The following HERC1 variants were observed in gnomAD, a reference collection of about 807,000 sequenced individuals.
HERC1 encodes HECT and RLD domain containing E3 ubiquitin protein ligase family member 1.
Under a neutral mutation model 554.3 loss-of-function variants are expected in HERC1, and 160 were observed. The ratio of observed to expected loss-of-function variants is 0.29; its 90% CI spans 0.25 to 0.33. HERC1 has a LOEUF of 0.33. Among genes scored for constraint, HERC1 ranks in the 10% least tolerant of loss-of-function variants. The pLI, the probability that HERC1 is intolerant of heterozygous loss-of-function variation, is 1.00. For missense variants in HERC1, 4,919 were observed against 5,918.5 expected (o/e 0.83, Z 5.54); for synonymous variants, 2,175 against 2,131.7 (o/e 1.02, Z -0.56).
At position 63,632,822 on chromosome 15, in the gene HERC1, A is replaced by C. The variant is rs1389109708; in HGVS notation, c.12694-11T>G. 1 of 1,523,010 alleles carries C rather than the reference A, an allele frequency of 6.6e-7. No homozygotes were observed. Among genetic ancestry groups the C allele is most frequent in the African/African-American group, 1.4e-5 (1 of 72,824 alleles). The allele number at this position is 1,523,010 out of a possible 1,614,324, so 94.3% of individuals were successfully genotyped here. On this transcript the variant is annotated splice_polypyrimidine_tract_variant and intron_variant, in intron 67 of 77. Coordinates refer to ENST00000443617, the MANE Select transcript of HERC1 (RefSeq NM_003922.4). ...AAGGACGTCAATTTTCTACAAAATA[A>C]AAGTGTAAGGCACACAACTTTAAGA...
rs2071478170 is a variant in HERC1 at position 63,681,504 on chromosome 15, T to C, written c.6226-728A>G. Among the ~76,000 whole-genome samples, 4 of 152,198 alleles carry C rather than the reference T, an allele frequency of 2.6e-5. 1 individual carries two copies. The South Asian group carries it at 8.3e-4, about 32-fold the overall frequency. ...CAGCCACTACACCTAGTGTGACTATTACTATTTTCAAAAAGGCATGCTTGC... is the reference window on the plus strand; with the variant it reads ...CAGCCACTACACCTAGTGTGACTATCACTATTTTCAAAAAGGCATGCTTGC... On this transcript the variant is annotated intron_variant, in intron 34 of 77. Transcript: ENST00000443617.
intron 74 of HERC1, among the ~76,000 whole-genome samples, chr15:63,619,484 T>C (rs2067972944): frequency 6.6e-6 from 1 of 152,228 alleles, no homozygotes; most frequent in Non-Finnish European, 1.5e-5. Context: ...CTGCCAGGCT[T>C]TGGTTTCAGG....
chr15:63,820,985 T>C (rs1244588228), intron 1 of HERC1, among the ~76,000 whole-genome samples: 1 of 152,242 alleles, frequency 6.6e-6, no homozygotes, highest in Non-Finnish European at 1.5e-5. Flanking sequence ...TGTTTTCACA[T>C]ATTACTTAGC....
rs112898120 is a variant in HERC1, at chr15:63,650,300, G to A, written c.10547-375C>T. On this transcript the variant is annotated intron_variant, in intron 53 of 77. Transcript: ENST00000443617. ...ACGCGCCTGTAGTCCCAGCTACCTG[G>A]GAGATGGAGGCTGCAGTGAGCCGAG... Among the ~76,000 whole-genome samples the A allele has an allele frequency of 6.2e-3, 938 of 152,204 alleles. 5 individuals carry two copies. Among genetic ancestry groups the A allele is most frequent in the Non-Finnish European group, 0.011 (770 of 68,018 alleles).
At chr15:63,732,675 T>C (rs1451844714) in intron 14 of HERC1, among the ~76,000 whole-genome samples, 2 of 152,246 alleles carry the variant, frequency 1.3e-5, no homozygotes, top group African/African-American at 4.8e-5. Context: ...AATGTTCCTA[T>C]TTTATTCTGT....
At chr15:63,656,385 T>C (rs2070034706) in intron 48 of HERC1, 27 bp from the exon 49 acceptor site, 6 of 1,590,776 alleles carry the variant, frequency 3.8e-6, no homozygotes, top group Non-Finnish European at 5.1e-6. Context: ...ACATCTCAGA[T>C]GGATAAAGAA....
At chr15:63,821,620 G>A (rs1402762362) in intron 1 of HERC1, among the ~76,000 whole-genome samples, 2 of 149,086 alleles carry the variant, frequency 1.3e-5, no homozygotes, top group Non-Finnish European at 3.0e-5. Context: ...CAGCTACCCT[G>A]GAGGCCAAGG....
At chr15:63,660,907 C>T (rs535730757) in intron 46 of HERC1, 66 bp downstream of exon 46, 2 of 956,848 alleles carry the variant, frequency 2.1e-6, no homozygotes, top group East Asian at 2.4e-5. Context: ...ATTTTAGTAA[C>T]AGATGTTAAG....
chr15:63,660,517 C>G (rs1285157316), intron 46 of HERC1, among the ~76,000 whole-genome samples: 1 of 152,088 alleles, frequency 6.6e-6, no homozygotes, highest in Non-Finnish European at 1.5e-5. Flanking sequence ...ATAGCAAATG[C>G]TACAGCTGGT....
chr15:63,638,341 AT>A (rs2068878855), intron 63 of HERC1, 69 bp downstream of exon 63: 12 of 1,496,730 alleles, frequency 8.0e-6, no homozygotes, highest in South Asian at 2.4e-5. Flanking sequence ...TTATCCCACA[AT>A]AAGACAAGCA....
intron 25 of HERC1, among the ~76,000 whole-genome samples, chr15:63,704,522 C>T (rs2072899650): frequency 6.6e-6 from 1 of 152,046 alleles, no homozygotes; most frequent in South Asian, 2.1e-4. Context: ...CTCTCTAGCG[C>T]CAAATGATAT....
rs377473680 is a variant in HERC1, at chr15:63,634,758, G to A, written c.12545C>T (p.Ala4182Val). 8.7e-6 allele frequency: 14 copies of A among 1,612,940 alleles called. No homozygotes were observed. In the African/African-American group the frequency reaches 1.1e-4, roughly 12 times the overall value. The change falls in exon 66 of 78, where the codon GCA (alanine) becomes GTA (valine). Residue 4182 changes from alanine to valine, a missense_variant. Ala to Val is a moderately conservative substitution (Grantham distance 64). Around this residue, in one of 11 missense-constraint regions of HERC1, gnomAD observed 410 missense variants for 467.0 expected, o/e 0.88. Coordinates refer to ENST00000443617, the MANE Select transcript of HERC1 (RefSeq NM_003922.4). ...SNKKLPERVT[A>V]LEGYQIGQVA... The stretch of plus-strand genomic sequence containing the variant: ...CTGTCCAATCTGATATCCCTCCAGT[G>A]CAGTCACTCTCTCTGGAAGTTTTTT...
intron 74 of HERC1, among the ~76,000 whole-genome samples, chr15:63,619,161 A>G (rs1224644461): frequency 6.6e-6 from 1 of 152,180 alleles, no homozygotes; most frequent in African/African-American, 2.4e-5. Flanking sequence ...CTATTTTGAG[A>G]TATGTCCCAT....
At chr15:63,721,729 G>C (rs1024114538) in intron 19 of HERC1, among the ~76,000 whole-genome samples, 1 of 152,036 alleles carries the variant, frequency 6.6e-6, no homozygotes, top group Non-Finnish European at 1.5e-5. Context: ...CAGGATAAGA[G>C]AATGACACAG....
Position 63,775,605 on chromosome 15 carries a change from G to C in HERC1, c.19C>G (p.Pro7Ala), listed in dbSNP as rs778448004. The change falls in exon 2 of 78, where the codon CCA becomes GCA. Residue 7 changes from proline (P) to alanine (A), a missense_variant. Pro to Ala is a conservative substitution (Grantham distance 27). Around this residue, in one of 11 missense-constraint regions of HERC1, gnomAD observed 110 missense variants for 99.3 expected, o/e 1.11. Transcript: ENST00000443617. This position sits in a 1 kb window ranked among gnomAD's most constrained non-coding sequence, Gnocchi z 4.0. ...TGTTCAAGCCATTTCAGCTTCACTG[G>C]TGGAATCATAGTTGCCATGTTGATT... MATMIP[P>A]VKLKWLEHLN... 2 of 1,599,532 alleles carry C rather than the reference G, an allele frequency of 1.3e-6. No homozygotes were observed. Among genetic ancestry groups the C allele is most frequent in the East Asian group, 4.5e-5 (2 of 44,846 alleles).
intron 1 of HERC1, among the ~76,000 whole-genome samples, chr15:63,793,307 G>C (rs1163190186): frequency 6.6e-6 from 1 of 152,220 alleles, no homozygotes; most frequent in Non-Finnish European, 1.5e-5. Flanking sequence ...CAGTAAAGAA[G>C]CTGGCCCAAA....
Position 63,694,983 on chromosome 15 carries a change from T to C in HERC1, c.5122-89A>G, listed in dbSNP as rs2072316772. ...GTAATAACATTTTATTTCTAGTCTA[T>C]GCTAGAGCCTTACGATGGTTTTTAA... On this transcript the variant is annotated intron_variant, in intron 27 of 77. Transcript: ENST00000443617. This position sits in a 1 kb window ranked among gnomAD's most constrained non-coding sequence, Gnocchi z 4.3. 4 of 1,162,086 alleles carry C rather than the reference T, an allele frequency of 3.4e-6. No individual in the cohort carries two copies. Among genetic ancestry groups the C allele is most frequent in the Non-Finnish European group, 4.8e-6 (4 of 839,740 alleles). 72.0% of individuals were successfully genotyped at this position (1,162,086 alleles called of 1,614,324 possible).
At chr15:63,802,533 G>A (rs2077026419) in intron 1 of HERC1, among the ~76,000 whole-genome samples, 1 of 152,092 alleles carries the variant, frequency 6.6e-6, no homozygotes, top group African/African-American at 2.4e-5. Flanking sequence ...TATTGGCAAA[G>A]GAAAAACTGC....
intron 19 of HERC1, among the ~76,000 whole-genome samples, chr15:63,719,303 G>A (rs1028120738): frequency 2.0e-5 from 3 of 152,182 alleles, no homozygotes; most frequent in African/African-American, 7.2e-5. Flanking sequence ...AATGAAGTGG[G>A]GGAAAAAGCT....
Sources: allele counts gnomAD v4.1 joint callset (sites outside exome capture counted in the v4.1 genomes callset), GRCh38; gene constraint gnomAD v4.1.1; regional missense constraint gnomAD v4.1.1; non-coding constraint Gnocchi (gnomAD v3.1); transcripts MANE v1.5; gene names NCBI Gene and HGNC (gene_info 2026-07-23, HGNC 2026-07-21).